The following MTUS2 variants were observed in gnomAD, a reference collection of about 807,000 sequenced individuals.
MTUS2 encodes the protein microtubule associated scaffold protein 2.
MTUS2 carries 40 observed loss-of-function variants against 114.1 expected under a neutral mutation model. That is an observed-to-expected ratio of 0.35 (90% CI 0.27 to 0.46). The LOEUF is 0.46. Among genes scored for constraint, MTUS2 ranks in the 20% least tolerant of loss-of-function variants. The probability of loss-of-function intolerance (pLI) is 1.00; values close to 1 mark genes in which losing one functional copy is unlikely to be tolerated. For synonymous variants in MTUS2, 688 were observed against 672.0 expected (o/e 1.02, Z -0.37); for missense variants, 1,679 against 1,705.4 (o/e 0.98, Z 0.27).
intron 5 of MTUS2, among the ~76,000 whole-genome samples, chr13:29,215,981 G>A (rs985806498): frequency 6.6e-6 from 1 of 152,196 alleles, no homozygotes; most frequent in Non-Finnish European, 1.5e-5. Context: ...GCCCATAGCC[G>A]TCCTCTTCCC....
chr13:29,039,469 A>T (rs1779504396), intron 4 of MTUS2, among the ~76,000 whole-genome samples: 1 of 152,190 alleles, frequency 6.6e-6, no homozygotes, highest in Admixed American at 6.5e-5. Flanking sequence ...CACAGGGCGC[A>T]GCTGCAGCGG....
At chr13:28,966,837 C>A (rs1883618981) in intron 2 of MTUS2, among the ~76,000 whole-genome samples, 1 of 151,392 alleles carries the variant, frequency 6.6e-6, no homozygotes, top group South Asian at 2.1e-4. Context: ...GAAAATAATA[C>A]CCATTTTGAA....
chr13:28,836,984 T>C (rs886895699), intron 1 of MTUS2, among the ~76,000 whole-genome samples: 5 of 152,214 alleles, frequency 3.3e-5, no homozygotes, highest in Admixed American at 3.3e-4. Context: ...TAGTCTCCTA[T>C]TCTGCAACAT....
intron 5 of MTUS2, among the ~76,000 whole-genome samples, chr13:29,233,631 C>T (rs112139508): frequency 3.9e-5 from 6 of 152,260 alleles, no homozygotes; most frequent in South Asian, 2.1e-4. Context: ...TTTCACTCAC[C>T]CACAGACATT....
At chr13:29,427,837 A>G (rs761381081) in intron 8 of MTUS2, among the ~76,000 whole-genome samples, 1 of 152,268 alleles carries the variant, frequency 6.6e-6, no homozygotes, top group Non-Finnish European at 1.5e-5. Context: ...GTATCAGGGC[A>G]TATAAAATCA....
intron 2 of MTUS2, among the ~76,000 whole-genome samples, chr13:28,846,086 G>C (rs1875868862): frequency 1.3e-5 from 2 of 148,570 alleles, no homozygotes; most frequent in Non-Finnish European, 3.0e-5. Context: ...TCCTCCTTCA[G>C]AATAGGGCAT....
At chr13:29,088,574 G>GT in intron 4 of MTUS2, among the ~76,000 whole-genome samples, 1 of 152,266 alleles carries the variant, frequency 6.6e-6, no homozygotes, top group South Asian at 2.1e-4. Flanking sequence ...AGGTGTTGAA[G>GT]TCTCCCACTA....
chr13:28,893,382 G>A (rs989169521), intron 2 of MTUS2, among the ~76,000 whole-genome samples: 2 of 152,184 alleles, frequency 1.3e-5, no homozygotes, highest in Non-Finnish European at 2.9e-5. Flanking sequence ...GTTTAATACA[G>A]AAAGTGGCAC....
chr13:29,404,962 G>A (rs1874639627), intron 8 of MTUS2, among the ~76,000 whole-genome samples: 1 of 152,208 alleles, frequency 6.6e-6, no homozygotes, highest in Non-Finnish European at 1.5e-5. Flanking sequence ...GACGTGCAGC[G>A]ATGACAAGTT....
At chr13:28,992,103 C>T (rs562120422) in intron 2 of MTUS2, among the ~76,000 whole-genome samples, 21 of 152,302 alleles carry the variant, frequency 1.4e-4, no homozygotes, top group Non-Finnish European at 2.6e-4. Context: ...CCCTTCTCTT[C>T]TCTGTAGTTC....
At chr13:29,364,681 C>T (rs1870556920) in intron 8 of MTUS2, among the ~76,000 whole-genome samples, 1 of 152,156 alleles carries the variant, frequency 6.6e-6, no homozygotes. Flanking sequence ...ATGAATGTTG[C>T]CCTTGAGCTA....
At chr13:29,146,125 A>G (rs1214708240) in intron 5 of MTUS2, among the ~76,000 whole-genome samples, 2 of 152,246 alleles carry the variant, frequency 1.3e-5, no homozygotes, top group African/African-American at 4.8e-5. Flanking sequence ...AAAATAAAGT[A>G]TCAAATAAAG....
At chr13:29,492,150 ATG>A (rs147504674) in intron 11 of MTUS2, among the ~76,000 whole-genome samples, 105,100 of 128,360 alleles carry the variant, frequency 0.82, 43,858 homozygotes, top group East Asian at 0.95. Flanking sequence ...GTAGGTGTGT[ATG>A]TGTGTGTGGT....
chr13:29,015,166 T>C (rs1593384350), intron 2 of MTUS2, among the ~76,000 whole-genome samples: 1 of 152,290 alleles, frequency 6.6e-6, no homozygotes, highest in South Asian at 2.1e-4. Flanking sequence ...ATTGAGGTGG[T>C]GGGAGTTGCA....
At chr13:29,465,827 T>G (rs981990050) in intron 9 of MTUS2, among the ~76,000 whole-genome samples, 1 of 152,222 alleles carries the variant, frequency 6.6e-6, no homozygotes, top group Non-Finnish European at 1.5e-5. Flanking sequence ...ATTTTCTAGT[T>G]AAAGGTCGCT....
intron 4 of MTUS2, chr13:29,072,269 T>G (rs961469629): frequency 6.6e-6 from 1 of 152,226 alleles, no homozygotes; most frequent in East Asian, 1.9e-4. Flanking sequence ...TATTTTTAAT[T>G]CTACCTCTTA....
At chr13:29,220,406 G>T (rs1416727058) in intron 5 of MTUS2, among the ~76,000 whole-genome samples, 1 of 152,246 alleles carries the variant, frequency 6.6e-6, no homozygotes, top group African/African-American at 2.4e-5. Flanking sequence ...CTTTTGACAT[G>T]CTTTCCTCAC....
At chr13:29,498,558 G>A (rs9508477) in intron 14 of MTUS2, 21 bp downstream of exon 14, 83,165 of 1,613,324 alleles carry the variant, frequency 0.052, 2,430 homozygotes, top group Non-Finnish European at 0.061. Flanking sequence ...CTGTTTGCTC[G>A]GGAGAGTAAC....
chr13:28,820,347 T>C lies in MTUS2; in HGVS notation c.-580T>C, dbSNP rs1383384412. On this transcript the variant is annotated 5_prime_UTR_variant, in exon 1 of 16. Coordinates refer to ENST00000612955, the MANE Select transcript of MTUS2 (RefSeq NM_001033602.4). ...CGCGGGCGTGGGCGGGCAGAGGTGA[T>C]AGCGAGCGCCGGCGGCTCCAGGTGC... 1 of 150,268 alleles carries C rather than the reference T, an allele frequency of 6.7e-6. No individual in the cohort carries two copies. The highest frequency in any genetic ancestry group is 2.0e-4 in the East Asian group (1 of 5,076). 9.3% of individuals were successfully genotyped at this position (150,268 alleles called of 1,614,324 possible).
Sources: allele counts gnomAD v4.1 joint callset (sites outside exome capture counted in the v4.1 genomes callset), GRCh38; gene constraint gnomAD v4.1.1; transcripts MANE v1.5; gene names NCBI Gene and HGNC (gene_info 2026-07-23, HGNC 2026-07-21).